Variants in TENM2 observed in about 807,000 individuals in gnomAD.
TENM2 encodes the protein teneurin transmembrane protein 2.
In TENM2, 52 loss-of-function variants were observed where a neutral mutation model predicts 245.2. The observed-to-expected ratio is 0.21, with a 90% CI of 0.17 to 0.27. TENM2 has a LOEUF of 0.27. Ranked by LOEUF, TENM2 falls within the 10% of genes least tolerant of loss-of-function variation. TENM2 has a pLI of 1.00. For synonymous variants in TENM2, 1,363 were observed against 1,438.9 expected, an observed-to-expected ratio of 0.95 and a Z score of 1.19; for missense variants, 3,046 against 3,666.8, an observed-to-expected ratio of 0.83 and a Z score of 4.37.
chr5:167,217,715 T>G, the TENM2 span, among the ~76,000 whole-genome samples: 1 of 103,684 alleles, frequency 9.6e-6, no homozygotes, highest in African/African-American at 4.2e-5. Flanking sequence ...TAATGAGTGA[T>G]ATATATATAT....
intron 2 of TENM2, among the ~76,000 whole-genome samples, chr5:167,397,506 G>A (rs556166903): frequency 1.3e-5 from 2 of 152,186 alleles, no homozygotes; most frequent in Middle Eastern, 3.4e-3. Flanking sequence ...TTGAGTATGC[G>A]TGTGTCCATG....
chr5:167,937,196 A>G (rs908790761), intron 3 of TENM2, among the ~76,000 whole-genome samples: 1 of 152,214 alleles, frequency 6.6e-6, no homozygotes, highest in Admixed American at 6.5e-5. Flanking sequence ...AACTCTAGTC[A>G]TTCCTGCTTT....
At chr5:167,072,559 T>C in the TENM2 span, among the ~76,000 whole-genome samples, 1 of 152,130 alleles carries the variant, frequency 6.6e-6, no homozygotes, top group East Asian at 1.9e-4. Context: ...ACTGGAGGAG[T>C]TTTACGTGCC....
chr5:167,121,970 C>T, the TENM2 span, among the ~76,000 whole-genome samples: 16 of 152,288 alleles, frequency 1.1e-4, no homozygotes, highest in African/African-American at 2.9e-4. Context: ...TTGCGAAGCT[C>T]ATTTAAATCT....
chr5:167,051,597 A>G, the TENM2 span, among the ~76,000 whole-genome samples: 3 of 152,204 alleles, frequency 2.0e-5, no homozygotes, highest in Non-Finnish European at 4.4e-5. Flanking sequence ...TGAGATCTCC[A>G]GGGACTCGGA....
intron 2 of TENM2, among the ~76,000 whole-genome samples, chr5:167,500,315 A>C (rs1769126896): frequency 1.3e-5 from 2 of 152,070 alleles, no homozygotes; most frequent in African/African-American, 2.4e-5. Flanking sequence ...TGAAGTTTCC[A>C]TCCAGTGAAT....
At chr5:167,184,458 T>C in the TENM2 span, among the ~76,000 whole-genome samples, 1 of 152,190 alleles carries the variant, frequency 6.6e-6, no homozygotes, top group African/African-American at 2.4e-5. Flanking sequence ...AGTTTTTGTT[T>C]TTGTTTTTTG....
intron 2 of TENM2, among the ~76,000 whole-genome samples, chr5:167,729,482 T>A (rs1214034706): frequency 6.6e-6 from 1 of 152,232 alleles, no homozygotes; most frequent in East Asian, 1.9e-4. Flanking sequence ...AGTTAAACCT[T>A]GCAAAATGAC....
chr5:168,117,129 G>C (rs1795139890), intron 9 of TENM2, among the ~76,000 whole-genome samples: 1 of 152,116 alleles, frequency 6.6e-6, no homozygotes, highest in Admixed American at 6.5e-5. Context: ...GCACATTTGA[G>C]GCCAAACTGA....
In TENM2 at chr5:168,218,180, A is replaced by G; in HGVS notation, c.4289A>G (p.Tyr1430Cys). The G allele has an allele frequency of 6.2e-7, 1 of 1,613,930 alleles. No homozygotes were observed. The highest frequency in any genetic ancestry group is 1.1e-5 in the South Asian group (1 of 91,074). The stretch of plus-strand genomic sequence containing the variant: ...GTCAATCCCATGGATAACTCCTTGT[A>G]TGTTCTAGAGAACAATGTCATCCTT... Residue 1430 changes from tyrosine (Y) to cysteine (C), a missense_variant, in exon 23 of 29, where the codon TAT (tyrosine) becomes TGT (cysteine). By Grantham distance (194) the Tyr-to-Cys change is radical. Around this residue, in one of 2 missense-constraint regions of TENM2, gnomAD observed 2,704 missense variants for 3,331.9 expected, o/e 0.81. Transcript: ENST00000518659. The surrounding 1 kb of genome is among the most constrained non-coding windows in gnomAD (Gnocchi z 5.2).
the TENM2 span, among the ~76,000 whole-genome samples, chr5:167,093,507 A>G: frequency 6.6e-6 from 1 of 152,216 alleles, no homozygotes; most frequent in Non-Finnish European, 1.5e-5. Context: ...ATTTGGCAAC[A>G]AAAGTCATAG....
intron 3 of TENM2, among the ~76,000 whole-genome samples, chr5:167,894,921 A>G (rs932784693): frequency 1.2e-5 from 1 of 82,908 alleles, no homozygotes; most frequent in Non-Finnish European, 2.3e-5. Flanking sequence ...CACCCTGGAA[A>G]GAAGGAAGGA....
At chr5:167,559,429 A>G (rs776105301) in intron 2 of TENM2, among the ~76,000 whole-genome samples, 70 of 152,206 alleles carry the variant, frequency 4.6e-4, no homozygotes, top group Non-Finnish European at 7.6e-4. Context: ...GGCCACAACC[A>G]TTAGTGGAGA....
intron 5 of TENM2, among the ~76,000 whole-genome samples, chr5:168,044,890 CT>C (rs1788481501): frequency 6.6e-6 from 1 of 151,284 alleles, no homozygotes; most frequent in Non-Finnish European, 1.5e-5. Context: ...GAGAGAGCAT[CT>C]CGTTTTCTTA....
At chr5:167,006,579 A>G in the TENM2 span, among the ~76,000 whole-genome samples, 1 of 152,232 alleles carries the variant, frequency 6.6e-6, no homozygotes, top group Non-Finnish European at 1.5e-5. Flanking sequence ...ATATGTATGC[A>G]TATGGGGGTA....
intron 3 of TENM2, among the ~76,000 whole-genome samples, chr5:167,884,341 C>A (rs1302088503): frequency 6.6e-6 from 1 of 152,152 alleles, no homozygotes; most frequent in Admixed American, 6.6e-5. Flanking sequence ...GCAACCATCA[C>A]CACCATCCAC....
chr5:167,273,506 A>G, the TENM2 span, among the ~76,000 whole-genome samples: 1 of 152,286 alleles, frequency 6.6e-6, no homozygotes, highest in Non-Finnish European at 1.5e-5. Context: ...CTTACTCATC[A>G]TAAGCAATAA....
At chr5:167,769,594 A>G (rs1164066514) in intron 2 of TENM2, among the ~76,000 whole-genome samples, 1 of 152,202 alleles carries the variant, frequency 6.6e-6, no homozygotes, top group Non-Finnish European at 1.5e-5. Flanking sequence ...TTTCCCCAGT[A>G]GAAAATTGTT....
At chr5:168,227,134 C>CCAGA (rs1245206146) in intron 24 of TENM2, among the ~76,000 whole-genome samples, 1 of 152,120 alleles carries the variant, frequency 6.6e-6, no homozygotes, top group Admixed American at 6.5e-5. Flanking sequence ...GCTCCTTTGC[C>CCAGA]CAGACAGTCA....
Sources: gnomAD v4.1 joint callset for allele counts (sites outside exome capture counted in the v4.1 genomes callset) on GRCh38, gnomAD v4.1.1 for gene constraint, gnomAD v4.1.1 regional missense constraint, Gnocchi (gnomAD v3.1) non-coding constraint, MANE v1.5 for transcripts, NCBI Gene and HGNC (gene_info 2026-07-23, HGNC 2026-07-21) for gene names.